SGK2: variants seen among roughly 807,000 people sequenced by gnomAD.
SGK2 encodes serum/glucocorticoid regulated kinase 2.
A neutral mutation model predicts 47.5 loss-of-function variants in SGK2; 36 were observed. The observed-to-expected ratio is 0.76, with a 90% CI of 0.58 to 1.00. The LOEUF (loss-of-function observed/expected upper bound fraction) is 1.00, where lower values mean the gene tolerates loss of function less well. Ranked by LOEUF, SGK2 falls within the 50% of genes least tolerant of loss-of-function variation. The pLI, the probability that SGK2 is intolerant of heterozygous loss-of-function variation, is 0.00. For missense variants in SGK2, 404 were observed against 467.4 expected, an observed-to-expected ratio of 0.86 and a Z score of 1.25; for synonymous variants, 157 against 181.9, an observed-to-expected ratio of 0.86 and a Z score of 1.10.
chr20:43,580,968 T>G (rs1002303796), intron 12 of SGK2, among the ~76,000 whole-genome samples: 1 of 151,694 alleles, frequency 6.6e-6, no homozygotes, highest in African/African-American at 2.4e-5. Context: ...CTCTGCCTCC[T>G]GGGTTCATGC....
In SGK2 at chr20:43,572,203, C is replaced by G; in HGVS notation, c.597+66C>G. 8.3e-7 allele frequency: 1 copy of G among 1,211,934 alleles called. No homozygotes were observed. The highest frequency in any genetic ancestry group is 1.2e-6 in the Non-Finnish European group (1 of 840,004). 75.1% of individuals were successfully genotyped at this position (1,211,934 alleles called of 1,614,324 possible). A position where few individuals can be genotyped will look rare whatever the true frequency, so the allele number is the denominator to read the frequency against. ...GTGAGGCCACAGCTCCTGATTAGAG[C>G]CAACAGGTTACAGTGAAGGGGACTC... On this transcript the variant is annotated intron_variant, in intron 9 of 12. Coordinates refer to ENST00000373100, the MANE Select transcript of SGK2 (RefSeq NM_170693.3). This position sits in a 1 kb window ranked among gnomAD's most constrained non-coding sequence, Gnocchi z 4.2.
At chr20:43,569,578 C>T in intron 6 of SGK2, 62 bp downstream of exon 6, 2 of 1,575,000 alleles carry the variant, frequency 1.3e-6, no homozygotes, top group South Asian at 1.1e-5. Flanking sequence ...GTCCATCCCA[C>T]ATGCCCACTG....
At chr20:43,574,355 C>G (rs1008989882) in intron 9 of SGK2, among the ~76,000 whole-genome samples, 5 of 152,236 alleles carry the variant, frequency 3.3e-5, no homozygotes, top group African/African-American at 1.2e-4. Flanking sequence ...TCCTGACCCT[C>G]TCGTCTGACC....
intron 4 of SGK2, 78 bp from the exon 5 acceptor site, chr20:43,567,838 G>A: frequency 6.5e-7 from 1 of 1,550,048 alleles, no homozygotes; most frequent in Non-Finnish European, 8.9e-7. Flanking sequence ...ACAAAAGCAG[G>A]GGCAGGCGGG....
intron 9 of SGK2, among the ~76,000 whole-genome samples, chr20:43,574,357 C>T (rs745799397): frequency 3.3e-5 from 5 of 152,216 alleles, no homozygotes; most frequent in African/African-American, 7.2e-5. Context: ...CTGACCCTCT[C>T]GTCTGACCCT....
Position 43,583,253 on chromosome 20 carries a change from C to T in SGK2, c.940-1599C>T, listed in dbSNP as rs891398748. The T allele has an allele frequency of 5.4e-6, 7 of 1,289,696 alleles. No homozygotes were observed. The Admixed American group carries it at 6.9e-5, about 13-fold the overall frequency. 79.9% of individuals were successfully genotyped at this position (1,289,696 alleles called of 1,614,324 possible). ...TTTAAAAAGACAGTGAAGATAATGTCGAACTTATACCCTGGAGAGAGAACC... is the reference window on the plus strand; with the variant it reads ...TTTAAAAAGACAGTGAAGATAATGTTGAACTTATACCCTGGAGAGAGAACC... On this transcript the variant is annotated intron_variant, in intron 12 of 12. Transcript: ENST00000373100.
chr20:43,568,421 C>T (rs1202364063), intron 5 of SGK2, among the ~76,000 whole-genome samples: 1 of 152,230 alleles, frequency 6.6e-6, no homozygotes, highest in Admixed American at 6.5e-5. Flanking sequence ...AGCAATCCTC[C>T]CGCCTCAGCC....
intron 2 of SGK2, 45 bp from the exon 3 acceptor site, chr20:43,567,023 G>C: frequency 6.5e-7 from 1 of 1,533,860 alleles, no homozygotes; most frequent in Non-Finnish European, 9.0e-7. Flanking sequence ...AAGGGAGGTA[G>C]CCAAGGAGTA....
At chr20:43,568,141 G>T in intron 5 of SGK2, 142 bp downstream of exon 5, 1 of 646,850 alleles carries the variant, frequency 1.5e-6, no homozygotes, top group Non-Finnish European at 2.7e-6. Context: ...AGGGGAGGTG[G>T]TACGCAGGAT....
rs1186271204 is a variant in SGK2 at position 43,572,108 on chromosome 20, A to C, written c.568A>C (p.Thr190Pro). 2.6e-6 allele frequency: 4 copies of C among 1,549,708 alleles called. No homozygotes were observed. The highest frequency in any genetic ancestry group is 2.6e-6 in the Non-Finnish European group (3 of 1,145,692). Residue 190 changes from threonine to proline, a missense_variant, in exon 9 of 13, where the codon ACC (threonine) becomes CCC (proline). Physicochemically the swap from Thr to Pro is conservative, Grantham distance 38 (BLOSUM62 -1). Coordinates refer to ENST00000373100, the MANE Select transcript of SGK2 (RefSeq NM_170693.3). This position sits in a 1 kb window ranked among gnomAD's most constrained non-coding sequence, Gnocchi z 4.2. ...CAAGGAAGGTGTAGAGCCTGAAGAC[A>C]CCACATCCACATTCTGTGGTACCCC... ...LCKEGVEPEDTTSTFCGTPEY... is the reference protein window; with the variant it reads ...LCKEGVEPEDPTSTFCGTPEY...
At chr20:43,561,158 C>T (rs1016853497) in intron 1 of SGK2, among the ~76,000 whole-genome samples, 8 of 152,252 alleles carry the variant, frequency 5.3e-5, no homozygotes, top group African/African-American at 7.2e-5. Context: ...GCCTCTATGA[C>T]GTTAGTGGAA....
intron 6 of SGK2, 56 bp from the exon 7 acceptor site, chr20:43,570,561 C>T: frequency 8.1e-7 from 1 of 1,228,308 alleles, no homozygotes; most frequent in Non-Finnish European, 1.2e-6. Context: ...AGCAGGTGCA[C>T]CCTAGCCCTA....
At chr20:43,566,355 G>A (rs774105896) in intron 1 of SGK2, 118 bp from the exon 2 acceptor site, 118 of 1,613,596 alleles carry the variant, frequency 7.3e-5, no homozygotes, top group Non-Finnish European at 9.2e-5. Flanking sequence ...ACCCTCAGGC[G>A]GTGGCAGGTG....
intron 3 of SGK2, 136 bp from the exon 4 acceptor site, chr20:43,567,529 G>A: frequency 1.3e-6 from 1 of 752,448 alleles, no homozygotes; most frequent in South Asian, 1.7e-5. Context: ...GGTTCTTCGG[G>A]GGTGAGGAGG....
chr20:43,563,146 AAAAG>A lies in SGK2; in HGVS notation c.-23-3315_-23-3312del, dbSNP rs1405093800. ...GCAAGACTCTGTCTCAAAAAAAAAA[AAAAG>A]AAAGAAAGAAAAAAAAAGATTTGGG... On this transcript the variant is annotated intron_variant, in intron 1 of 12. Transcript: ENST00000373100. 2.0e-4 allele frequency among the ~76,000 whole-genome samples: 31 copies of A among 151,984 alleles called. 1 individual carries two copies. The highest frequency in any genetic ancestry group is 3.6e-4 in the African/African-American group (15 of 41,458).
intron 1 of SGK2, among the ~76,000 whole-genome samples, chr20:43,563,617 C>T (rs1184906924): frequency 2.0e-5 from 3 of 152,118 alleles, no homozygotes; most frequent in South Asian, 2.1e-4. Context: ...TATCTGGACA[C>T]GGTATATGGT....
chr20:43,566,332 C>T lies in SGK2; in HGVS notation c.-23-141C>T, dbSNP rs147539046. 465 of 1,611,848 alleles carry T rather than the reference C, an allele frequency of 2.9e-4. 2 individuals carry two copies. The African/African-American group carries it at 5.9e-3, about 20-fold the overall frequency. On this transcript the variant is annotated intron_variant, in intron 1 of 12. Transcript: ENST00000373100. ...GTTCCATCCATGCAGGGGTTGCTTA[C>T]CTCGGGTAGGAAACCCTCAGGCGGT...
intron 2 of SGK2, 109 bp from the exon 3 acceptor site, chr20:43,566,959 G>A: frequency 1.2e-6 from 1 of 831,116 alleles, no homozygotes; most frequent in Non-Finnish European, 2.0e-6. Flanking sequence ...AAAGAAAAAG[G>A]CAGGCAGGCC....
At position 43,584,768 on chromosome 20, in the gene SGK2, C is replaced by A. The variant is rs145360013; in HGVS notation, c.940-84C>A. 4.5e-5 allele frequency: 48 copies of A among 1,063,498 alleles called. No individual in the cohort carries two copies. In the African/African-American group the frequency reaches 7.1e-4, roughly 16 times the overall value. The allele number at this position is 1,063,498 out of a possible 1,614,324, so 65.9% of individuals were successfully genotyped here. On this transcript the variant is annotated intron_variant, in intron 12 of 12. Coordinates refer to ENST00000373100, the MANE Select transcript of SGK2 (RefSeq NM_170693.3). Reference sequence around the variant, plus strand: ...GTGAAGCATGGGGCACTCACAGAGGCCTGACATCCCTCTCTGAGGATCTGG... The same window carrying A: ...GTGAAGCATGGGGCACTCACAGAGGACTGACATCCCTCTCTGAGGATCTGG...
Sources: allele counts gnomAD v4.1 joint callset (sites outside exome capture counted in the v4.1 genomes callset), GRCh38; gene constraint gnomAD v4.1.1; non-coding constraint Gnocchi (gnomAD v3.1); transcripts MANE v1.5; gene names NCBI Gene and HGNC (gene_info 2026-07-23, HGNC 2026-07-21).